SORCS1: variants seen among roughly 807,000 people sequenced by gnomAD.
The protein encoded by SORCS1 is sortilin related VPS10 domain containing receptor 1, also known as VPS10 domain-containing receptor SorCS1.
Under a neutral mutation model 146.1 loss-of-function variants are expected in SORCS1, and 60 were observed. That is an observed-to-expected ratio of 0.41 (90% CI 0.33 to 0.51). The LOEUF (loss-of-function observed/expected upper bound fraction) is 0.51, where lower values mean the gene tolerates loss of function less well. SORCS1 is among the 20% of genes least tolerant of loss of function. The probability of loss-of-function intolerance (pLI) is 0.21; values close to 1 mark genes in which losing one functional copy is unlikely to be tolerated. For missense variants in SORCS1, 1,352 were observed against 1,487.6 expected, an observed-to-expected ratio of 0.91 and a Z score of 1.50; for synonymous variants, 637 against 584.0, an observed-to-expected ratio of 1.09 and a Z score of -1.31.
chr10:107,097,977 G>A (rs1369265066), intron 1 of SORCS1, among the ~76,000 whole-genome samples: 2 of 152,094 alleles, frequency 1.3e-5, no homozygotes, highest in Non-Finnish European at 1.5e-5. Flanking sequence ...TACACAGTAG[G>A]GTGATCGATG....
intron 24 of SORCS1, among the ~76,000 whole-genome samples, chr10:106,580,883 T>C (rs1287967575): frequency 6.6e-6 from 1 of 151,968 alleles, no homozygotes; most frequent in Admixed American, 6.5e-5. Flanking sequence ...TTCAGGAGAG[T>C]TGGCTTTCAG....
chr10:106,587,624 T>A (rs1358849272), intron 24 of SORCS1, among the ~76,000 whole-genome samples: 1 of 152,216 alleles, frequency 6.6e-6, no homozygotes, highest in Non-Finnish European at 1.5e-5. Flanking sequence ...AAATATTAAT[T>A]CTCTAATATC....
chr10:107,028,137 C>CT (rs1316965280), intron 1 of SORCS1, among the ~76,000 whole-genome samples: 1 of 152,186 alleles, frequency 6.6e-6, no homozygotes, highest in Non-Finnish European at 1.5e-5. Flanking sequence ...GAGGTGCTTT[C>CT]TAGCTTAACT....
intron 1 of SORCS1, among the ~76,000 whole-genome samples, chr10:107,044,512 TAAAAAAAA>T (rs59253149): frequency 6.8e-5 from 5 of 74,060 alleles, no homozygotes; most frequent in African/African-American, 1.7e-4. Context: ...TTCTAATTTG[TAAAAAAAA>T]AAAAAAAAAA....
At chr10:106,886,203 T>A (rs570326653) in intron 2 of SORCS1, among the ~76,000 whole-genome samples, 1 of 152,184 alleles carries the variant, frequency 6.6e-6, no homozygotes, top group Non-Finnish European at 1.5e-5. Flanking sequence ...TGGAGGCTGC[T>A]GTGAGCCAAG....
intron 5 of SORCS1, among the ~76,000 whole-genome samples, chr10:106,760,323 A>C (rs1007287033): frequency 4.6e-5 from 7 of 151,494 alleles, no homozygotes; most frequent in Admixed American, 3.9e-4. Context: ...GGGCGCCTGT[A>C]GTCCCAGCTA....
chr10:107,032,269 C>T (rs1958689550), intron 1 of SORCS1, among the ~76,000 whole-genome samples: 1 of 151,382 alleles, frequency 6.6e-6, no homozygotes, highest in South Asian at 2.1e-4. Flanking sequence ...CAAGAAAGGG[C>T]AAAAAAGGGG....
At chr10:107,059,757 A>G (rs1289062221) in intron 1 of SORCS1, among the ~76,000 whole-genome samples, 2 of 152,112 alleles carry the variant, frequency 1.3e-5, no homozygotes, top group Non-Finnish European at 2.9e-5. Flanking sequence ...TGTAAAATGA[A>G]AGGGACCTCA....
intron 1 of SORCS1, among the ~76,000 whole-genome samples, chr10:106,985,419 G>A (rs74622611): frequency 0.22 from 33,674 of 151,742 alleles, 4,494 homozygotes; most frequent in Middle Eastern, 0.33. Context: ...TACGCTTAAA[G>A]GCACTCTAAA....
intron 3 of SORCS1, among the ~76,000 whole-genome samples, chr10:106,783,632 AGAC>A (rs142384618): frequency 0.01 from 1,568 of 152,342 alleles, 25 homozygotes; most frequent in African/African-American, 0.035. Flanking sequence ...AACAAGTGTA[AGAC>A]GACACTATAT....
intron 22 of SORCS1, among the ~76,000 whole-genome samples, chr10:106,610,314 T>C (rs1218149551): frequency 1.3e-5 from 2 of 152,188 alleles, no homozygotes; most frequent in Admixed American, 6.5e-5. Context: ...CAGAATCTGA[T>C]CTTTAAGTGC....
chr10:106,753,679 A>G (rs1012389583), intron 5 of SORCS1, among the ~76,000 whole-genome samples: 1 of 148,840 alleles, frequency 6.7e-6, no homozygotes, highest in Non-Finnish European at 1.5e-5. Flanking sequence ...TAGGCCAGGT[A>G]TATTAAAAAA....
intron 1 of SORCS1, among the ~76,000 whole-genome samples, chr10:107,134,627 A>T (rs1967128191): frequency 6.6e-6 from 1 of 151,376 alleles, no homozygotes. Flanking sequence ...CATCAGACCG[A>T]GACTCCATCT....
intron 2 of SORCS1, among the ~76,000 whole-genome samples, chr10:106,931,653 T>G (rs1388262742): frequency 2.0e-5 from 3 of 152,220 alleles, no homozygotes; most frequent in African/African-American, 7.2e-5. Flanking sequence ...TGTTGCCTTA[T>G]GAATAATGGA....
the SORCS1 span, among the ~76,000 whole-genome samples, chr10:107,175,036 T>C: frequency 8.1e-4 from 123 of 152,348 alleles, no homozygotes; most frequent in African/African-American, 2.6e-3. Context: ...GGTCACGTTT[T>C]TCTCCTCTGT....
chr10:107,125,954 G>A (rs192439861), intron 1 of SORCS1, among the ~76,000 whole-genome samples: 106 of 152,210 alleles, frequency 7.0e-4, no homozygotes, highest in African/African-American at 2.5e-3. Flanking sequence ...CCTTCCTTTT[G>A]TCCCTAAGGT....
chr10:106,975,495 G>A (rs989466826), intron 1 of SORCS1, among the ~76,000 whole-genome samples: 2 of 152,172 alleles, frequency 1.3e-5, no homozygotes, highest in African/African-American at 4.8e-5. Context: ...AATGAATCAA[G>A]GAACAACTAA....
rs17210305 is a variant in SORCS1 at position 107,096,857 on chromosome 10, A to G, written c.558+67112T>C. On this transcript the variant is annotated intron_variant, in intron 1 of 25. Transcript: ENST00000263054. ...CAAATTCCTAACAAAACGGATCATC[A>G]ACTCACTCTTAACCCAAGATTCTCT... 1.0e-2 allele frequency among the ~76,000 whole-genome samples: 1,520 copies of G among 152,212 alleles called. 12 individuals carry two copies. The highest frequency in any genetic ancestry group is 0.024 in the South Asian group (115 of 4,828).
intron 24 of SORCS1, among the ~76,000 whole-genome samples, chr10:106,588,810 G>A (rs1042548227): frequency 7.2e-4 from 93 of 129,178 alleles, no homozygotes; most frequent in African/African-American, 2.5e-3. Context: ...GCAGTGAGCC[G>A]AGATCACGCC....
Sources: allele counts gnomAD v4.1 joint callset (sites outside exome capture counted in the v4.1 genomes callset), GRCh38; gene constraint gnomAD v4.1.1; transcripts MANE v1.5; gene names NCBI Gene and HGNC (gene_info 2026-07-23, HGNC 2026-07-21).